SEMA6D: variants seen among roughly 807,000 people sequenced by gnomAD.
The protein encoded by SEMA6D is semaphorin-6D.
A neutral mutation model predicts 106.6 loss-of-function variants in SEMA6D; 35 were observed. The ratio of observed to expected loss-of-function variants is 0.33; its 90% CI spans 0.25 to 0.44. The LOEUF (loss-of-function observed/expected upper bound fraction) is 0.44. Ranked by LOEUF, SEMA6D falls within the 20% of genes least tolerant of loss-of-function variation. The probability of loss-of-function intolerance (pLI) is 1.00; values close to 1 mark genes in which losing one functional copy is unlikely to be tolerated. For missense variants in SEMA6D, 1,185 were observed against 1,345.9 expected, an observed-to-expected ratio of 0.88 and a Z score of 1.87; for synonymous variants, 499 against 487.7, an observed-to-expected ratio of 1.02 and a Z score of -0.31.
At chr15:47,254,880 T>TGTGC (rs1349731220) in intron 1 of SEMA6D, among the ~76,000 whole-genome samples, 60 of 143,106 alleles carry the variant, frequency 4.2e-4, no homozygotes, top group Non-Finnish European at 8.3e-4. Flanking sequence ...TGGTTTTGTG[T>TGTGC]GTGTGTGTGT....
chr15:47,281,680 T>C (rs1046961163), intron 1 of SEMA6D, among the ~76,000 whole-genome samples: 5 of 152,150 alleles, frequency 3.3e-5, no homozygotes, highest in Admixed American at 1.3e-4. Context: ...TTTTTTGATA[T>C]AATGTCTGTG....
intron 4 of SEMA6D, among the ~76,000 whole-genome samples, chr15:47,647,019 G>A (rs909142417): frequency 1.3e-5 from 2 of 152,172 alleles, no homozygotes; most frequent in Non-Finnish European, 2.9e-5. Context: ...CTAGGTGATC[G>A]TTTTGAGGTT....
chr15:47,677,855 CAGAGA>C (rs2078276122), intron 4 of SEMA6D, among the ~76,000 whole-genome samples: 1 of 152,094 alleles, frequency 6.6e-6, no homozygotes, highest in Non-Finnish European at 1.5e-5. Context: ...CGCTTTTAGA[CAGAGA>C]ATGTAAGAAA....
At chr15:47,368,980 A>G (rs1444641633) in intron 1 of SEMA6D, among the ~76,000 whole-genome samples, 1 of 152,232 alleles carries the variant, frequency 6.6e-6, no homozygotes, top group African/African-American at 2.4e-5. Context: ...TTAATCTACA[A>G]GTAACTTGAA....
intron 4 of SEMA6D, among the ~76,000 whole-genome samples, chr15:47,644,076 C>A (rs2077537488): frequency 6.6e-6 from 1 of 152,092 alleles, no homozygotes; most frequent in Non-Finnish European, 1.5e-5. Context: ...TTTAAAAAAA[C>A]ATCTATGCCA....
Position 47,227,508 on chromosome 15 carries a change from T to G in SEMA6D, c.-239+43090T>G, listed in dbSNP as rs375083938. On this transcript the variant is annotated intron_variant, in intron 1 of 19. Transcript: ENST00000558014. ...TTTCTTTCTTTCTTTTTTTCTTTGT[T>G]TCTCTTCTTTTTCTTTCTTCCTCTT... is the stretch of plus-strand genomic sequence containing the variant. Among the ~76,000 whole-genome samples the G allele has an allele frequency of 4.7e-5, 7 of 149,464 alleles. No individual in the cohort carries two copies. In the East Asian group the frequency reaches 7.8e-4, roughly 17 times the overall value.
At chr15:47,755,354 A>G (rs777488584) in intron 1 of SEMA6D, among the ~76,000 whole-genome samples, 16 of 152,098 alleles carry the variant, frequency 1.1e-4, no homozygotes, top group Non-Finnish European at 2.4e-4. Context: ...TATTTTCAAA[A>G]CATATGTTTG....
intron 15 of SEMA6D, 74 bp downstream of exon 15, chr15:47,766,256 A>T: frequency 7.7e-7 from 1 of 1,302,698 alleles, no homozygotes; most frequent in Non-Finnish European, 1.1e-6. Flanking sequence ...ATTGCAGAAA[A>T]CTTCCAATTA....
intron 1 of SEMA6D, among the ~76,000 whole-genome samples, chr15:47,328,599 C>T (rs549295938): frequency 6.6e-6 from 1 of 152,310 alleles, no homozygotes; most frequent in African/African-American, 2.4e-5. Context: ...GACCAAAGCT[C>T]AGCCTGCAGT....
chr15:47,736,243 GCTAA>G (rs1177251687), intron 1 of SEMA6D, among the ~76,000 whole-genome samples: 6 of 152,140 alleles, frequency 3.9e-5, no homozygotes, highest in Non-Finnish European at 8.8e-5. Context: ...CTAATGGTTG[GCTAA>G]CTGTGTTTAC....
chr15:47,485,537 A>G (rs2043272898), intron 3 of SEMA6D, among the ~76,000 whole-genome samples: 1 of 152,194 alleles, frequency 6.6e-6, no homozygotes, highest in Non-Finnish European at 1.5e-5. Flanking sequence ...AAAGAGAGTC[A>G]TACAATACTT....
intron 3 of SEMA6D, among the ~76,000 whole-genome samples, chr15:47,534,336 G>A (rs2045081545): frequency 1.3e-5 from 2 of 151,758 alleles, no homozygotes; most frequent in Admixed American, 1.3e-4. Context: ...GATTACAGGC[G>A]TGCCCAGCTA....
At chr15:47,449,850 A>G (rs1277169486) in intron 2 of SEMA6D, among the ~76,000 whole-genome samples, 1 of 152,112 alleles carries the variant, frequency 6.6e-6, no homozygotes, top group Non-Finnish European at 1.5e-5. Context: ...CCCTAAATAC[A>G]TATTTATAAT....
At chr15:47,296,291 A>G (rs2035798827) in intron 1 of SEMA6D, among the ~76,000 whole-genome samples, 1 of 152,228 alleles carries the variant, frequency 6.6e-6, no homozygotes, top group Admixed American at 6.5e-5. Flanking sequence ...GTGTGGATAT[A>G]GTAATAGGCC....
intron 1 of SEMA6D, among the ~76,000 whole-genome samples, chr15:47,268,623 C>T (rs901952159): frequency 2.6e-5 from 4 of 152,132 alleles, no homozygotes; most frequent in South Asian, 2.1e-4. Context: ...CCAGCACTTA[C>T]GCCCATCTCC....
chr15:47,385,551 A>G (rs2039804442), intron 1 of SEMA6D, among the ~76,000 whole-genome samples: 1 of 152,196 alleles, frequency 6.6e-6, no homozygotes, highest in South Asian at 2.1e-4. Context: ...TGACAGAGAA[A>G]TGTATCTGTG....
chr15:47,697,550 T>G (rs1056946736), intron 4 of SEMA6D, among the ~76,000 whole-genome samples: 1 of 152,212 alleles, frequency 6.6e-6, no homozygotes, highest in Admixed American at 6.5e-5. Context: ...CTATTTTTAC[T>G]TCTAAATTCC....
chr15:47,759,181 T>G (rs1045255319), intron 1 of SEMA6D, among the ~76,000 whole-genome samples: 1 of 152,128 alleles, frequency 6.6e-6, no homozygotes, highest in Non-Finnish European at 1.5e-5. Flanking sequence ...TCCACGTTGG[T>G]CGTAGTAAGC....
At chr15:47,690,743 T>G (rs999121751) in intron 4 of SEMA6D, among the ~76,000 whole-genome samples, 1 of 152,100 alleles carries the variant, frequency 6.6e-6, no homozygotes, top group Admixed American at 6.6e-5. Flanking sequence ...ATTGTTTTAG[T>G]TTTTAGTTTT....
Sources: gnomAD v4.1 joint callset for allele counts (sites outside exome capture counted in the v4.1 genomes callset) on GRCh38, gnomAD v4.1.1 for gene constraint, MANE v1.5 for transcripts, NCBI Gene and HGNC (gene_info 2026-07-23, HGNC 2026-07-21) for gene names.